The following RBM47 variants were observed in gnomAD, a reference collection of about 807,000 sequenced individuals.
RBM47 encodes the protein RNA-binding protein 47.
Under a neutral mutation model 47.1 loss-of-function variants are expected in RBM47, and 21 were observed. The observed-to-expected ratio is 0.45, with a 90% CI of 0.32 to 0.64. The LOEUF (loss-of-function observed/expected upper bound fraction) is 0.64. Among genes scored for constraint, RBM47 ranks in the 30% least tolerant of loss-of-function variants. The pLI is 0.05. For synonymous variants in RBM47, 375 were observed against 361.7 expected (o/e 1.04, Z -0.42); for missense variants, 708 against 870.9 (o/e 0.81, Z 2.35).
intron 1 of RBM47, among the ~76,000 whole-genome samples, chr4:40,619,489 T>C (rs973920745): frequency 2.6e-5 from 4 of 152,152 alleles, no homozygotes; most frequent in Admixed American, 2.6e-4. Context: ...TCCATGGTCT[T>C]TAGTGACCCA....
intron 3 of RBM47, among the ~76,000 whole-genome samples, chr4:40,453,710 G>A (rs1169592928): frequency 1.3e-5 from 2 of 152,160 alleles, no homozygotes; most frequent in African/African-American, 4.8e-5. Context: ...TGGCTGGAGA[G>A]TGTATTTCAC....
chr4:40,517,549 C>T (rs892685926), intron 2 of RBM47, among the ~76,000 whole-genome samples: 3 of 152,148 alleles, frequency 2.0e-5, no homozygotes, highest in African/African-American at 7.2e-5. Context: ...AGTTTGAAGA[C>T]ACAAAATCTG....
chr4:40,611,579 A>T (rs369245357), intron 1 of RBM47, among the ~76,000 whole-genome samples: 18 of 148,950 alleles, frequency 1.2e-4, no homozygotes, highest in African/African-American at 4.4e-4. Context: ...AAAAAAAAAA[A>T]TTAGCTGGGT....
chr4:40,472,534 C>T (rs1301001450), intron 2 of RBM47, among the ~76,000 whole-genome samples: 1 of 148,758 alleles, frequency 6.7e-6, no homozygotes, highest in African/African-American at 2.5e-5. Flanking sequence ...TGCACCCCAG[C>T]CTGGGCAACA....
intron 2 of RBM47, among the ~76,000 whole-genome samples, chr4:40,470,852 C>T (rs1718751313): frequency 6.6e-6 from 1 of 152,086 alleles, no homozygotes; most frequent in African/African-American, 2.4e-5. Context: ...AAGTGATTCT[C>T]CTGCCTCAGC....
At chr4:40,619,971 C>A (rs995281307) in intron 1 of RBM47, among the ~76,000 whole-genome samples, 1 of 152,020 alleles carries the variant, frequency 6.6e-6, no homozygotes, top group Non-Finnish European at 1.5e-5. Context: ...GCCGAGGCCG[C>A]GGATCACTTG....
chr4:40,461,069 A>C (rs1717072802), intron 3 of RBM47, among the ~76,000 whole-genome samples: 1 of 152,196 alleles, frequency 6.6e-6, no homozygotes, highest in Non-Finnish European at 1.5e-5. Context: ...TTAAATTAAG[A>C]ATGGAAATGA....
intron 1 of RBM47, among the ~76,000 whole-genome samples, chr4:40,597,038 A>T (rs550834673): frequency 2.6e-5 from 4 of 152,318 alleles, no homozygotes; most frequent in Admixed American, 6.5e-5. Flanking sequence ...AGGCAGGCAG[A>T]TCATGAGGTC....
At chr4:40,589,361 C>A (rs139512763) in intron 1 of RBM47, among the ~76,000 whole-genome samples, 31 of 152,218 alleles carry the variant, frequency 2.0e-4, no homozygotes, top group Non-Finnish European at 3.2e-4. Flanking sequence ...GTTGCACATG[C>A]CTGTGAATAT....
In RBM47 at chr4:40,437,087, A is replaced by AT. The variant is rs1157337143; in HGVS notation, c.1124-441_1124-440insA. On this transcript the variant is annotated intron_variant, in intron 4 of 6. Transcript: ENST00000295971. ...AGACCCTGTCTCAAAAAAAAAAAAA[A>AT]AAAATATATATATATATATATATAA... Among the ~76,000 whole-genome samples, 15 of 55,614 alleles carry AT rather than the reference A, an allele frequency of 2.7e-4. 1 individual carries two copies. The highest frequency in any genetic ancestry group is 1.4e-3 in the African/African-American group (14 of 10,162). The allele number at this position is 55,614 out of a possible 152,430, so 36.5% of individuals were successfully genotyped here. A position where few individuals can be genotyped will look rare whatever the true frequency, so the allele number is the denominator to read the frequency against.
At chr4:40,574,321 T>A (rs1732086686) in intron 1 of RBM47, among the ~76,000 whole-genome samples, 1 of 152,230 alleles carries the variant, frequency 6.6e-6, no homozygotes, top group Non-Finnish European at 1.5e-5. Context: ...TTCTGGTTTT[T>A]CTAAGAAATA....
At chr4:40,474,413 A>G (rs1719328358) in intron 2 of RBM47, among the ~76,000 whole-genome samples, 1 of 152,208 alleles carries the variant, frequency 6.6e-6, no homozygotes, top group Non-Finnish European at 1.5e-5. Flanking sequence ...GATGATCTTG[A>G]GAATGGCAGA....
At chr4:40,623,734 A>G (rs1737475649) in intron 1 of RBM47, among the ~76,000 whole-genome samples, 1 of 152,066 alleles carries the variant, frequency 6.6e-6, no homozygotes, top group Admixed American at 6.6e-5. Flanking sequence ...TGACCTAATA[A>G]GTTTTTTCTA....
intron 1 of RBM47, among the ~76,000 whole-genome samples, chr4:40,600,001 G>A (rs1204504622): frequency 6.6e-6 from 1 of 151,894 alleles, no homozygotes; most frequent in Non-Finnish European, 1.5e-5. Flanking sequence ...CCACGCCAAA[G>A]GAGGAATTTT....
intron 1 of RBM47, among the ~76,000 whole-genome samples, chr4:40,546,991 A>G (rs1195233985): frequency 6.6e-6 from 1 of 152,236 alleles, no homozygotes. Flanking sequence ...AAGAAACATG[A>G]ATATGGTACC....
chr4:40,440,806 G>A (rs1050665055), intron 3 of RBM47, among the ~76,000 whole-genome samples: 4 of 152,180 alleles, frequency 2.6e-5, no homozygotes, highest in Non-Finnish European at 5.9e-5. Context: ...GTTTAGAGGA[G>A]TGAGTTAATA....
intron 1 of RBM47, among the ~76,000 whole-genome samples, chr4:40,597,867 A>T (rs1461067968): frequency 1.3e-5 from 2 of 152,246 alleles, no homozygotes; most frequent in Non-Finnish European, 2.9e-5. Context: ...AGCCAGAAGG[A>T]GCAGACACTG....
At chr4:40,583,388 G>GAAAAA (rs56371832) in intron 1 of RBM47, among the ~76,000 whole-genome samples, 2 of 91,102 alleles carry the variant, frequency 2.2e-5, no homozygotes, top group Admixed American at 1.2e-4. Flanking sequence ...CTCCATCTCA[G>GAAAAA]AAAAAAAAAA....
chr4:40,564,649 G>T (rs1200531774), intron 1 of RBM47, among the ~76,000 whole-genome samples: 1 of 152,128 alleles, frequency 6.6e-6, no homozygotes, highest in Admixed American at 6.5e-5. Flanking sequence ...ATAGAATTTG[G>T]AGAAGAGTAA....
Sources: gnomAD v4.1 joint callset for allele counts (sites outside exome capture counted in the v4.1 genomes callset) on GRCh38, gnomAD v4.1.1 for gene constraint, MANE v1.5 for transcripts, NCBI Gene and HGNC (gene_info 2026-07-23, HGNC 2026-07-21) for gene names.